Variants in MRPL48 observed in about 807,000 individuals in gnomAD.
MRPL48 encodes mitochondrial ribosomal protein L48.
MRPL48 carries 16 observed loss-of-function variants against 32.9 expected under a neutral mutation model. The observed-to-expected ratio is 0.49, with a 90% confidence interval of 0.33 to 0.74. MRPL48 has a LOEUF of 0.74. Ranked by LOEUF, MRPL48 falls within the 30% of genes least tolerant of loss-of-function variation. The pLI is 0.02. For synonymous variants in MRPL48, 94 were observed against 89.2 expected (o/e 1.05, Z -0.31); for missense variants, 206 against 245.3 (o/e 0.84, Z 1.07).
chr11:73,814,259 G>A (rs1233852052), intron 3 of MRPL48, among the ~76,000 whole-genome samples: 3 of 151,464 alleles, frequency 2.0e-5, no homozygotes, highest in South Asian at 4.2e-4. Flanking sequence ...GTGGGATAGC[G>A]AGTGCCTGTG....
rs149312315 is a variant in MRPL48, at chr11:73,834,248, A to G, written c.201+8452A>G. 2.6e-4 allele frequency among the ~76,000 whole-genome samples: 39 copies of G among 152,316 alleles called. No homozygotes were observed. In the East Asian group the frequency reaches 6.8e-3, roughly 26 times the overall value. ...ACCTTCCTACATGAATTGTGGTAGT[A>G]GTTTAGCTACCATAATAGAGAGACC... On this transcript the variant is annotated intron_variant, in intron 4 of 7. Coordinates refer to ENST00000310614, the MANE Select transcript of MRPL48 (RefSeq NM_016055.6).
chr11:73,807,116 C>A (rs547034074), intron 2 of MRPL48, among the ~76,000 whole-genome samples: 74 of 152,222 alleles, frequency 4.9e-4, no homozygotes, highest in African/African-American at 1.6e-3. Context: ...GTGATCCATG[C>A]TCCTCAGCCT....
chr11:73,817,793 TTTGTTG>T (rs753277435), intron 3 of MRPL48: 5 of 389,546 alleles, frequency 1.3e-5, no homozygotes, highest in South Asian at 1.9e-5. Flanking sequence ...GATATTTATT[TTTGTTG>T]TTGTTGTTGT....
intron 5 of MRPL48, among the ~76,000 whole-genome samples, chr11:73,858,595 G>C (rs76631210): frequency 6.6e-6 from 1 of 152,270 alleles, no homozygotes; most frequent in East Asian, 1.9e-4. Flanking sequence ...AACTTCTTTT[G>C]TAGAGGTCCA....
At chr11:73,809,876 A>G (rs1401881503) in intron 3 of MRPL48, among the ~76,000 whole-genome samples, 1 of 152,226 alleles carries the variant, frequency 6.6e-6, no homozygotes, top group Admixed American at 6.5e-5. Flanking sequence ...GAGGCTTTAC[A>G]TATGTTAATT....
In MRPL48 at chr11:73,864,373, ACTG is replaced by A; in HGVS notation, c.*4_*6del. 1 of 1,613,668 alleles carries A rather than the reference ACTG, an allele frequency of 6.2e-7. No individual in the cohort carries two copies. Among genetic ancestry groups the A allele is most frequent in the South Asian group, 1.1e-5 (1 of 90,970 alleles). ...AACTGTTGGCCAAGTTGAAGTAGCT[ACTG>A]TAGACCCTTTCATGCCAGCAGTGGT... On this transcript the variant is annotated 3_prime_UTR_variant, in exon 8 of 8. Coordinates refer to ENST00000310614, the MANE Select transcript of MRPL48 (RefSeq NM_016055.6).
intron 3 of MRPL48, among the ~76,000 whole-genome samples, chr11:73,815,565 C>T (rs1017513162): frequency 5.9e-5 from 9 of 151,948 alleles, no homozygotes; most frequent in Admixed American, 3.3e-4. Context: ...CACAGCTCAC[C>T]GCAGTCTTGA....
At chr11:73,808,674 C>T (rs1947505492) in intron 3 of MRPL48, among the ~76,000 whole-genome samples, 1 of 152,188 alleles carries the variant, frequency 6.6e-6, no homozygotes, top group Non-Finnish European at 1.5e-5. Flanking sequence ...GTAATCCCAG[C>T]ACTTTGGGAG....
rs573941864 is a variant in MRPL48, at chr11:73,837,844, G to GATTT, written c.202-6945_202-6942dup. On this transcript the variant is annotated intron_variant, in intron 4 of 7. Transcript: ENST00000310614. ...TTTATTCATGTATATCCTTTGCACA[G>GATTT]ATTTATTTATTTATTTATTTAGAGA... Among the ~76,000 whole-genome samples, 97 of 152,016 alleles carry GATTT rather than the reference G, an allele frequency of 6.4e-4. 1 individual carries two copies. Among genetic ancestry groups the GATTT allele is most frequent in the Non-Finnish European group, 1.0e-3 (71 of 67,980 alleles).
At chr11:73,830,692 A>G (rs1174525746) in intron 4 of MRPL48, among the ~76,000 whole-genome samples, 1 of 152,162 alleles carries the variant, frequency 6.6e-6, no homozygotes, top group Non-Finnish European at 1.5e-5. Flanking sequence ...TCATGCATAA[A>G]GTATCCAACC....
At chr11:73,863,405 T>C (rs1219178650) in intron 7 of MRPL48, 144 bp downstream of exon 7, 6 of 717,336 alleles carry the variant, frequency 8.4e-6, no homozygotes, top group Non-Finnish European at 1.4e-5. Flanking sequence ...TTGTACACTC[T>C]GATGACACTG....
At chr11:73,817,220 T>C (rs927908188) in intron 3 of MRPL48, among the ~76,000 whole-genome samples, 4 of 152,166 alleles carry the variant, frequency 2.6e-5, no homozygotes, top group African/African-American at 9.7e-5. Flanking sequence ...TGAAAAGATA[T>C]GTGGGGATAG....
At chr11:73,842,358 C>T (rs1177098368) in intron 4 of MRPL48, 2 of 152,192 alleles carry the variant, frequency 1.3e-5, no homozygotes, top group Non-Finnish European at 2.9e-5. Context: ...TCTCTTCCAG[C>T]TCCCCCATTT....
intron 1 of MRPL48, among the ~76,000 whole-genome samples, chr11:73,801,900 T>C (rs1347109294): frequency 6.6e-6 from 1 of 152,234 alleles, no homozygotes; most frequent in Non-Finnish European, 1.5e-5. Context: ...TTCTAATCAT[T>C]TATTCATCAG....
At chr11:73,799,081 T>A (rs954310758) in intron 1 of MRPL48, among the ~76,000 whole-genome samples, 1 of 151,778 alleles carries the variant, frequency 6.6e-6, no homozygotes, top group Middle Eastern at 3.4e-3. Flanking sequence ...AAGCTTCTGA[T>A]AAATGAACTT....
chr11:73,855,720 T>C (rs576429701), intron 5 of MRPL48, among the ~76,000 whole-genome samples: 1 of 152,280 alleles, frequency 6.6e-6, no homozygotes, highest in Non-Finnish European at 1.5e-5. Flanking sequence ...GCTCCTGACC[T>C]CGTGATCCAC....
At chr11:73,828,654 A>G (rs1247705058) in intron 4 of MRPL48, among the ~76,000 whole-genome samples, 1 of 152,204 alleles carries the variant, frequency 6.6e-6, no homozygotes, top group Non-Finnish European at 1.5e-5. Context: ...AAAGGAAGAT[A>G]CAAAGCGCTA....
intron 1 of MRPL48, among the ~76,000 whole-genome samples, chr11:73,796,516 C>G (rs1188310162): frequency 6.6e-6 from 1 of 152,242 alleles, no homozygotes; most frequent in African/African-American, 2.4e-5. Context: ...GGGCTGAAGG[C>G]AGCTCAGCAG....
chr11:73,830,481 G>A (rs931616956), intron 4 of MRPL48, among the ~76,000 whole-genome samples: 1 of 152,162 alleles, frequency 6.6e-6, no homozygotes, highest in African/African-American at 2.4e-5. Flanking sequence ...CAGAGGCTCT[G>A]TCCTGAGTTC....
Sources: gnomAD v4.1 joint callset for allele counts (sites outside exome capture counted in the v4.1 genomes callset) on GRCh38, gnomAD v4.1.1 for gene constraint, MANE v1.5 for transcripts, NCBI Gene and HGNC (gene_info 2026-07-23, HGNC 2026-07-21) for gene names.